The following AGBL1 variants were observed in gnomAD, a reference collection of about 807,000 sequenced individuals.
AGBL1 encodes the protein AGBL carboxypeptidase 1.
AGBL1 carries 130 observed loss-of-function variants against 118.9 expected under a neutral mutation model. The observed-to-expected ratio is 1.09, with a 90% CI of 0.95 to 1.26. The LOEUF is 1.26. Ranked by LOEUF, AGBL1 falls within the 50% of genes most tolerant of loss-of-function variation. The probability of loss-of-function intolerance (pLI) is 0.00; values close to 1 mark genes in which losing one functional copy is unlikely to be tolerated. For synonymous variants in AGBL1, 555 were observed against 478.9 expected (o/e 1.16, Z -2.08); for missense variants, 1,584 against 1,298.1 (o/e 1.22, Z -3.38).
chr15:86,142,149 C>G, intron 2 of AGBL1, 82 bp downstream of exon 2: 1 of 1,404,938 alleles, frequency 7.1e-7, no homozygotes, highest in South Asian at 1.3e-5. Context: ...CCTCTGTGAC[C>G]TGGGGGTTTG....
At chr15:86,209,666 G>A (rs1207346689) in intron 5 of AGBL1, among the ~76,000 whole-genome samples, 1 of 151,794 alleles carries the variant, frequency 6.6e-6, no homozygotes. Flanking sequence ...CCGTTTGCTT[G>A]GTAGATCTTC....
At chr15:86,871,294 C>T (rs1374389293) in intron 22 of AGBL1, among the ~76,000 whole-genome samples, 1 of 152,158 alleles carries the variant, frequency 6.6e-6, no homozygotes, top group Non-Finnish European at 1.5e-5. Context: ...TGCAGAGACC[C>T]TCAAAAGGAT....
chr15:86,207,134 T>G (rs1055181445), intron 5 of AGBL1, among the ~76,000 whole-genome samples: 28 of 152,196 alleles, frequency 1.8e-4, no homozygotes, highest in African/African-American at 6.8e-4. Flanking sequence ...TGTGTGGTGT[T>G]ATTTCTGAGG....
At chr15:86,136,575 C>T (rs2141626278) in intron 1 of AGBL1, among the ~76,000 whole-genome samples, 1 of 152,250 alleles carries the variant, frequency 6.6e-6, no homozygotes. Context: ...ACATATGCTA[C>T]AAAGAGTGGG....
In AGBL1 at chr15:86,554,496, A is replaced by T; in HGVS notation, c.2953A>T (p.Met985Leu). The change falls in exon 21 of 23, where the codon ATG (methionine) becomes TTG (leucine). Residue 985 changes from methionine to leucine, a missense_variant. Physicochemically the swap from Met to Leu is conservative, Grantham distance 15 (BLOSUM62 2). Coordinates refer to ENST00000614907, the MANE Select transcript of AGBL1 (RefSeq NM_001386094.1). ...GATGGGGGTGTCCAGAAGCTACACC[A>T]TGGAAAGCAGCTACTGTGGCTGCAA... ...REMGVSRSYT[M>L]ESSYCGCNQG... 1 of 1,571,938 alleles carries T rather than the reference A, an allele frequency of 6.4e-7. No homozygotes were observed. The highest frequency in any genetic ancestry group is 1.2e-5 in the South Asian group (1 of 84,140).
intron 17 of AGBL1, among the ~76,000 whole-genome samples, chr15:86,382,467 A>AGGG (rs1185891193): frequency 2.0e-5 from 3 of 152,102 alleles, no homozygotes; most frequent in East Asian, 3.9e-4. Flanking sequence ...TTGGCCTGCC[A>AGGG]GGGGCTCTTT....
chr15:86,257,137 A>G, intron 8 of AGBL1, 119 bp downstream of exon 8: 2 of 1,136,574 alleles, frequency 1.8e-6, no homozygotes, highest in South Asian at 3.3e-5. Context: ...ATTGTCTATT[A>G]AGCTAATTAG....
At chr15:86,669,574 TAAAAG>T (rs2085705117) in intron 21 of AGBL1, among the ~76,000 whole-genome samples, 1 of 152,168 alleles carries the variant, frequency 6.6e-6, no homozygotes, top group Non-Finnish European at 1.5e-5. Flanking sequence ...AAATTCTAAA[TAAAAG>T]AAATGAAAAT....
chr15:86,266,406 T>A lies in AGBL1; in HGVS notation c.1700T>A (p.Ile567Asn), dbSNP rs1015395094. ...IRIFEDIRRL[I>N]QPSDVINKVV... Reference sequence around the variant, plus strand: ...ATATTTGAGGATATTCGGAGGCTCATCCAGCCAAGTGATGTTATAAATAAA... The same window carrying A: ...ATATTTGAGGATATTCGGAGGCTCAACCAGCCAAGTGATGTTATAAATAAA... Residue 567 changes from isoleucine (I) to asparagine (N), a missense_variant, in exon 12 of 23, where the codon ATC becomes AAC. Physicochemically the swap from Ile to Asn is moderately radical, Grantham distance 149. Coordinates refer to ENST00000614907, the MANE Select transcript of AGBL1 (RefSeq NM_001386094.1). 6 of 1,581,360 alleles carry A rather than the reference T, an allele frequency of 3.8e-6. No homozygotes were observed. Among genetic ancestry groups the A allele is most frequent in the Non-Finnish European group, 5.2e-6 (6 of 1,162,002 alleles).
In AGBL1 at chr15:86,492,351, A is replaced by G. The variant is rs572660213; in HGVS notation, c.2556-30459A>G. ...TATGGCTCATAGGAGTAGCAAAGGG[A>G]GGCCAAGGTGGGTGGATCACTTGAG... On this transcript the variant is annotated intron_variant, in intron 18 of 22. Coordinates refer to ENST00000614907, the MANE Select transcript of AGBL1 (RefSeq NM_001386094.1). Among the ~76,000 whole-genome samples the G allele has an allele frequency of 3.7e-4, 57 of 152,238 alleles. 1 individual carries two copies. The highest frequency in any genetic ancestry group is 1.3e-3 in the African/African-American group (56 of 41,578).
intron 16 of AGBL1, among the ~76,000 whole-genome samples, chr15:86,283,994 AAAG>A (rs755045357): frequency 6.6e-6 from 1 of 152,042 alleles, no homozygotes; most frequent in Non-Finnish European, 1.5e-5. Flanking sequence ...TGGAAACAAA[AAAG>A]CAGTGACTAC....
chr15:86,103,528 T>C (rs1003369581), intron 1 of AGBL1, among the ~76,000 whole-genome samples: 1 of 152,194 alleles, frequency 6.6e-6, no homozygotes, highest in African/African-American at 2.4e-5. Context: ...CCTGAAGACA[T>C]ACCAATGGTG....
At chr15:86,170,770 A>C (rs2077402720) in intron 5 of AGBL1, among the ~76,000 whole-genome samples, 1 of 151,298 alleles carries the variant, frequency 6.6e-6, no homozygotes, top group Non-Finnish European at 1.5e-5. Context: ...TGCTTGAACC[A>C]GGTGGATGAA....
chr15:86,641,063 A>T (rs534046589), intron 21 of AGBL1, among the ~76,000 whole-genome samples: 1 of 151,816 alleles, frequency 6.6e-6, no homozygotes, highest in African/African-American at 2.4e-5. Context: ...AATGAGTCCT[A>T]ATGTTTTCCT....
At chr15:86,106,120 A>G (rs1897037100) in intron 1 of AGBL1, among the ~76,000 whole-genome samples, 1 of 152,178 alleles carries the variant, frequency 6.6e-6, no homozygotes, top group African/African-American at 2.4e-5. Context: ...TGTGTGGGCA[A>G]CCTCTCTGGT....
intron 18 of AGBL1, among the ~76,000 whole-genome samples, chr15:86,480,718 GATA>G (rs899097128): frequency 7.2e-5 from 11 of 152,080 alleles, no homozygotes; most frequent in African/African-American, 2.7e-4. Context: ...CAGAAAGGAA[GATA>G]AGATCATGTT....
At chr15:86,441,637 T>C (rs1252121353) in intron 18 of AGBL1, among the ~76,000 whole-genome samples, 1 of 152,222 alleles carries the variant, frequency 6.6e-6, no homozygotes, top group African/African-American at 2.4e-5. Context: ...ACAGTGTGTG[T>C]ACTTGGACAG....
At chr15:86,924,375 A>G (rs979393742) in intron 23 of AGBL1, among the ~76,000 whole-genome samples, 3 of 152,216 alleles carry the variant, frequency 2.0e-5, no homozygotes, top group African/African-American at 7.2e-5. Context: ...GCTCAATTTT[A>G]TTGCAAGGAT....
At chr15:86,355,115 T>C (rs2080692166) in intron 17 of AGBL1, among the ~76,000 whole-genome samples, 1 of 152,204 alleles carries the variant, frequency 6.6e-6, no homozygotes, top group Non-Finnish European at 1.5e-5. Context: ...TTTTGCTTGG[T>C]AAAACCTATG....
Sources: gnomAD v4.1 joint callset for allele counts (sites outside exome capture counted in the v4.1 genomes callset) on GRCh38, gnomAD v4.1.1 for gene constraint, MANE v1.5 for transcripts, NCBI Gene and HGNC (gene_info 2026-07-23, HGNC 2026-07-21) for gene names.